THADA: variants seen among roughly 807,000 people sequenced by gnomAD.
THADA encodes THADA armadillo repeat containing, also known as tRNA (32-2'-O)-methyltransferase regulator THADA.
In THADA, 213 loss-of-function variants were observed where a neutral mutation model predicts 219.8. The observed-to-expected ratio is 0.97, with a 90% confidence interval of 0.87 to 1.09. THADA has a LOEUF of 1.09. THADA is among the 50% of genes least tolerant of loss of function. The pLI is 0.00. For synonymous variants in THADA, 1,018 were observed against 828.9 expected, an observed-to-expected ratio of 1.23 and a Z score of -3.92; for missense variants, 2,956 against 2,311.3, an observed-to-expected ratio of 1.28 and a Z score of -5.72.
At chr2:43,485,910 G>C (rs1275247781) in intron 25 of THADA, among the ~76,000 whole-genome samples, 3 of 150,058 alleles carry the variant, frequency 2.0e-5, no homozygotes, top group Non-Finnish European at 4.4e-5. Flanking sequence ...TGTTTGTTTT[G>C]CTTTTGACTT....
Position 43,586,695 on chromosome 2 carries a change from G to A in THADA, c.484+7C>T. 6.2e-7 allele frequency: 1 copy of A among 1,610,084 alleles called. No homozygotes were observed. The highest frequency in any genetic ancestry group is 8.5e-7 in the Non-Finnish European group (1 of 1,178,950). ...CTCATGGAACAAAATAAAATAATAG[G>A]ACTTACCATTTTTAAGCAGATTATT... On this transcript the variant is annotated splice_region_variant and intron_variant, in intron 6 of 37. Coordinates refer to ENST00000405975, the MANE Select transcript of THADA (RefSeq NM_022065.5).
intron 36 of THADA, among the ~76,000 whole-genome samples, chr2:43,262,135 A>G (rs1444412504): frequency 6.6e-6 from 1 of 152,228 alleles, no homozygotes; most frequent in Non-Finnish European, 1.5e-5. Flanking sequence ...CTTCTTCCTT[A>G]GCAAGCGAAC....
rs536583819 is a variant in THADA, at chr2:43,263,399, T to C, written c.5296+16366A>G. 1.2e-4 allele frequency among the ~76,000 whole-genome samples: 18 copies of C among 152,170 alleles called. No homozygotes were observed. The South Asian group carries it at 1.9e-3, about 16-fold the overall frequency. On this transcript the variant is annotated intron_variant, in intron 36 of 37. Transcript: ENST00000405975. ...AAATATATGCTGGGTGGGTGGGTGA[T>C]TGGGGGGGCATTTTAAATACCTGGA...
intron 22 of THADA, among the ~76,000 whole-genome samples, chr2:43,513,713 C>G (rs1382518331): frequency 6.6e-6 from 1 of 151,934 alleles, no homozygotes; most frequent in African/African-American, 2.4e-5. Context: ...CAAAAGGCTC[C>G]CATCATAGCC....
Position 43,530,444 on chromosome 2 carries a change from AT to A in THADA, c.3265-2457del, listed in dbSNP as rs146430902. Among the ~76,000 whole-genome samples, 1,114 of 152,344 alleles carry A rather than the reference AT, an allele frequency of 7.3e-3. 6 individuals are homozygous for A. Among genetic ancestry groups the A allele is most frequent in the African/African-American group, 0.024 (981 of 41,586 alleles). ...AACTCATGATAGCCAGCTTAAAAAA[AT>A]AATACTAATACAAAATAAGGACTAG... On this transcript the variant is annotated intron_variant, in intron 21 of 37. Transcript: ENST00000405975.
intron 26 of THADA, among the ~76,000 whole-genome samples, chr2:43,451,267 CAA>C (rs1356600537): frequency 6.6e-6 from 1 of 152,178 alleles, no homozygotes; most frequent in Non-Finnish European, 1.5e-5. Context: ...GCTCCAGAGG[CAA>C]AGTTTAGAGC....
At chr2:43,458,680 G>A (rs1683291865) in intron 26 of THADA, among the ~76,000 whole-genome samples, 1 of 152,026 alleles carries the variant, frequency 6.6e-6, no homozygotes, top group East Asian at 1.9e-4. Context: ...CCACATGCCA[G>A]TGCCCATTCA....
In THADA at chr2:43,566,829, A is replaced by C; in HGVS notation, c.2188-8T>G. ...AATGGATGACATGAAATTCTTAAAA[A>C]AAAAAAAAAAATTACAGTAAGTATA... On this transcript the variant is annotated splice_polypyrimidine_tract_variant and splice_region_variant and intron_variant, in intron 14 of 37. Transcript: ENST00000405975. The C allele has an allele frequency of 2.1e-6, 3 of 1,440,916 alleles. No individual in the cohort carries two copies. Among genetic ancestry groups the C allele is most frequent in the Non-Finnish European group, 2.7e-6 (3 of 1,096,998 alleles). 89.3% of individuals were successfully genotyped at this position (1,440,916 alleles called of 1,614,324 possible). A position where few individuals can be genotyped will look rare whatever the true frequency, so the allele number is the denominator to read the frequency against.
intron 21 of THADA, among the ~76,000 whole-genome samples, chr2:43,528,606 C>G (rs901223946): frequency 1.3e-5 from 2 of 152,146 alleles, no homozygotes; most frequent in African/African-American, 2.4e-5. Context: ...GCCAAGCAGT[C>G]TGGCTCCAGA....
chr2:43,592,233 T>C lies in THADA; in HGVS notation c.76+84A>G, dbSNP rs776265424. On this transcript the variant is annotated intron_variant, in intron 2 of 37. Coordinates refer to ENST00000405975, the MANE Select transcript of THADA (RefSeq NM_022065.5). Reference sequence around the variant, plus strand: ...AGGAAAAATATAAAGAATTTGAATATTATATGCTAGGGGTCCCAGTCATTA... The same window carrying C: ...AGGAAAAATATAAAGAATTTGAATACTATATGCTAGGGGTCCCAGTCATTA... 57 of 1,094,758 alleles carry C rather than the reference T, an allele frequency of 5.2e-5. 2 individuals are homozygous for C. The South Asian group carries it at 8.3e-4, about 16-fold the overall frequency. 67.8% of individuals were successfully genotyped at this position (1,094,758 alleles called of 1,614,324 possible).
At chr2:43,472,720 G>A (rs569279393) in intron 26 of THADA, among the ~76,000 whole-genome samples, 23 of 152,210 alleles carry the variant, frequency 1.5e-4, no homozygotes, top group African/African-American at 3.4e-4. Flanking sequence ...TGTAAACATC[G>A]TAGAGTATAC....
chr2:43,540,518 C>A (rs1040163430), intron 21 of THADA, among the ~76,000 whole-genome samples: 11 of 152,076 alleles, frequency 7.2e-5, no homozygotes, highest in Admixed American at 2.6e-4. Context: ...TGTTATATAT[C>A]TTTGCTGAAA....
intron 31 of THADA, among the ~76,000 whole-genome samples, chr2:43,304,174 C>G (rs1325397843): frequency 6.6e-6 from 1 of 152,112 alleles, no homozygotes. Context: ...CGTCACTCAT[C>G]AAGACAGCCT....
rs367907001 is a variant in THADA, at chr2:43,296,809, C to T, written c.4439-3596G>A. 8.5e-5 allele frequency among the ~76,000 whole-genome samples: 13 copies of T among 152,334 alleles called. No homozygotes were observed. The East Asian group carries it at 2.5e-3, about 29-fold the overall frequency. ...TTATTTGGCACAGTCAGAAATATGG[C>T]TCAGAAATCTGCTCTTAAAATTGTA... is the stretch of plus-strand genomic sequence containing the variant. On this transcript the variant is annotated intron_variant, in intron 31 of 37. Coordinates refer to ENST00000405975, the MANE Select transcript of THADA (RefSeq NM_022065.5).
At chr2:43,258,049 C>T (rs956533298) in intron 36 of THADA, among the ~76,000 whole-genome samples, 1 of 152,128 alleles carries the variant, frequency 6.6e-6, no homozygotes, top group African/African-American at 2.4e-5. Context: ...TCCTACTGCT[C>T]TTGATCCTCA....
intron 28 of THADA, among the ~76,000 whole-genome samples, chr2:43,406,031 C>A (rs1393397791): frequency 2.0e-5 from 3 of 152,176 alleles, no homozygotes; most frequent in African/African-American, 7.2e-5. Flanking sequence ...GGCTGACAGG[C>A]CACAGGCTAT....
intron 36 of THADA, among the ~76,000 whole-genome samples, chr2:43,273,697 T>C (rs1375055039): frequency 6.6e-6 from 1 of 152,112 alleles, no homozygotes; most frequent in Non-Finnish European, 1.5e-5. Flanking sequence ...CAGTGTGAAG[T>C]CCCACAGGGC....
chr2:43,333,521 G>A (rs1335445729), intron 30 of THADA, among the ~76,000 whole-genome samples: 4 of 148,442 alleles, frequency 2.7e-5, no homozygotes, highest in African/African-American at 9.9e-5. Flanking sequence ...CCTTTTTTTT[G>A]AAAGAAAAAA....
intron 29 of THADA, among the ~76,000 whole-genome samples, chr2:43,392,448 T>C (rs542442368): frequency 2.0e-5 from 3 of 152,296 alleles, no homozygotes; most frequent in East Asian, 3.9e-4. Context: ...GTCTGTAGAA[T>C]AGAGTGAAGG....
Sources: allele counts gnomAD v4.1 joint callset (sites outside exome capture counted in the v4.1 genomes callset), GRCh38; gene constraint gnomAD v4.1.1; transcripts MANE v1.5; gene names NCBI Gene and HGNC (gene_info 2026-07-23, HGNC 2026-07-21).